Variants in GABARAPL1 observed in about 807,000 individuals in gnomAD.
The protein encoded by GABARAPL1 is gamma-aminobutyric acid receptor-associated protein-like 1.
Under a neutral mutation model 14.5 loss-of-function variants are expected in GABARAPL1, and 4 were observed. That is an observed-to-expected ratio of 0.28 (90% CI 0.14 to 0.63). The LOEUF (loss-of-function observed/expected upper bound fraction) is 0.63. GABARAPL1 is among the 30% of genes least tolerant of loss of function. The pLI, the probability that GABARAPL1 is intolerant of heterozygous loss-of-function variation, is 0.84. For synonymous variants in GABARAPL1, 47 were observed against 50.6 expected, an observed-to-expected ratio of 0.93 and a Z score of 0.30; for missense variants, 82 against 139.2, an observed-to-expected ratio of 0.59 and a Z score of 2.07.
intron 2 of GABARAPL1, among the ~76,000 whole-genome samples, chr12:10,218,858 G>A (rs1290656301): frequency 6.6e-6 from 1 of 151,538 alleles, no homozygotes; most frequent in Non-Finnish European, 1.5e-5. Flanking sequence ...GCAGGCACCT[G>A]CCACCATACC....
At chr12:10,213,985 A>C in intron 1 of GABARAPL1, 1 of 420,514 alleles carries the variant, frequency 2.4e-6, no homozygotes, top group Admixed American at 2.7e-5. Flanking sequence ...GTGAGTAGGA[A>C]CAGAAAAGTA....
chr12:10,214,526 C>G (rs1949077293), intron 1 of GABARAPL1: 1 of 152,190 alleles, frequency 6.6e-6, no homozygotes, highest in Non-Finnish European at 1.5e-5. Flanking sequence ...GAAAATTTTG[C>G]CCAGTTCTGG....
intron 1 of GABARAPL1, among the ~76,000 whole-genome samples, chr12:10,216,329 C>A (rs1358917442): frequency 2.6e-5 from 4 of 151,916 alleles, no homozygotes; most frequent in African/African-American, 9.7e-5. Context: ...CGAGATCAGG[C>A]CACTGCACGC....
intron 3 of GABARAPL1, 60 bp downstream of exon 3, chr12:10,220,618 C>A: frequency 1.9e-6 from 3 of 1,611,528 alleles, no homozygotes; most frequent in Non-Finnish European, 2.5e-6. Flanking sequence ...ATCCTCTAGC[C>A]CTTGTTCTAG....
chr12:10,217,993 A>G lies in GABARAPL1; in HGVS notation c.91-70A>G, dbSNP rs1487265381. 3 of 903,370 alleles carry G rather than the reference A, an allele frequency of 3.3e-6. No homozygotes were observed. In the African/African-American group the frequency reaches 4.9e-5, roughly 15 times the overall value. 56.0% of individuals were successfully genotyped at this position (903,370 alleles called of 1,614,324 possible). On this transcript the variant is annotated intron_variant, in intron 1 of 3. Coordinates refer to ENST00000266458, the MANE Select transcript of GABARAPL1 (RefSeq NM_031412.4). ...TTTCCAGTAGTAACTAGGCAACTCT[A>G]GGGTGTAGAAGGAAAAATACTAGAT...
chr12:10,217,459 C>T lies in GABARAPL1; in HGVS notation c.91-604C>T, dbSNP rs868737267. 3.3e-5 allele frequency among the ~76,000 whole-genome samples: 5 copies of T among 152,174 alleles called. No homozygotes were observed. In the South Asian group the frequency reaches 6.2e-4, roughly 19 times the overall value. On this transcript the variant is annotated intron_variant, in intron 1 of 3. Coordinates refer to ENST00000266458, the MANE Select transcript of GABARAPL1 (RefSeq NM_031412.4). Reference sequence around the variant, plus strand: ...TTAAATACCAGAAGGTGGCCAGGCACGGTAGCTCACATCTGTAATCCCAGC... The same window carrying T: ...TTAAATACCAGAAGGTGGCCAGGCATGGTAGCTCACATCTGTAATCCCAGC...
At chr12:10,216,243 C>T (rs538733943) in intron 1 of GABARAPL1, among the ~76,000 whole-genome samples, 24 of 151,898 alleles carry the variant, frequency 1.6e-4, no homozygotes, top group African/African-American at 1.2e-4. Context: ...TGGTGGCATG[C>T]GCCTGTAATC....
intron 3 of GABARAPL1, chr12:10,220,954 C>G (rs1477929158): frequency 1.1e-5 from 14 of 1,276,990 alleles, no homozygotes; most frequent in Non-Finnish European, 1.4e-5. Flanking sequence ...TATTTTACTC[C>G]CATTTAGCAA....
At position 10,216,602 on chromosome 12, in the gene GABARAPL1, C is replaced by T. The variant is rs571224748; in HGVS notation, c.91-1461C>T. Among the ~76,000 whole-genome samples, 373 of 146,708 alleles carry T rather than the reference C, an allele frequency of 2.5e-3. 1 individual carries two copies. Among genetic ancestry groups the T allele is most frequent in the African/African-American group, 8.7e-3 (342 of 39,498 alleles). On this transcript the variant is annotated intron_variant, in intron 1 of 3. Transcript: ENST00000266458. ...TTGCCCAGGCTGGAGTGTAGTGGCA[C>T]GATCTTGGCTCACCGCAACCTCTGC...
At position 10,213,073 on chromosome 12, in the gene GABARAPL1, G is replaced by T; in HGVS notation, c.-57G>T. 9.4e-7 allele frequency: 1 copy of T among 1,063,332 alleles called. No homozygotes were observed. Among genetic ancestry groups the T allele is most frequent in the East Asian group, 2.5e-5 (1 of 40,352 alleles). 65.9% of individuals were successfully genotyped at this position (1,063,332 alleles called of 1,614,324 possible). A position where few individuals can be genotyped will look rare whatever the true frequency, so the allele number is the denominator to read the frequency against. On this transcript the variant is annotated 5_prime_UTR_variant, in exon 1 of 4. Transcript: ENST00000266458. The stretch of plus-strand genomic sequence containing the variant: ...ACGTCGGCTGAGGGAGCGGGACAGG[G>T]TCAGCGGCGAAGGAGGCAGGCCCCG...
At chr12:10,213,871 G>A (rs1398738484) in intron 1 of GABARAPL1, 4 of 455,858 alleles carry the variant, frequency 8.8e-6, no homozygotes, top group Non-Finnish European at 1.8e-5. Context: ...CAGCCTCCTC[G>A]TGTTGATTTC....
chr12:10,213,417 G>T, intron 1 of GABARAPL1, 198 bp downstream of exon 1: 1 of 651,356 alleles, frequency 1.5e-6, no homozygotes, highest in East Asian at 2.9e-5. Context: ...GTATGCCTGG[G>T]CCCCGAACCC....
chr12:10,213,292 T>C, intron 1 of GABARAPL1, 73 bp downstream of exon 1: 1 of 903,642 alleles, frequency 1.1e-6, no homozygotes, highest in Non-Finnish European at 1.8e-6. Flanking sequence ...CGAGATGGCT[T>C]CCCTGGGGCG....
rs1949127932 is a variant in GABARAPL1, at chr12:10,223,121, C to G, written c.*1269C>G. The G allele has an allele frequency of 6.6e-6, 1 of 152,456 alleles. No homozygotes were observed. The allele number at this position is 152,456 out of a possible 1,614,324, so 9.4% of individuals were successfully genotyped here. On this transcript the variant is annotated 3_prime_UTR_variant, in exon 4 of 4. Transcript: ENST00000266458. ...CCAAGGAAATAAAATAATTGCTTAC[C>G]TTAAAAATCCACTGAGTTCAGCAAT... is the stretch of plus-strand genomic sequence containing the variant.
chr12:10,213,518 T>A, intron 1 of GABARAPL1: 1 of 359,168 alleles, frequency 2.8e-6, no homozygotes, highest in Non-Finnish European at 5.4e-6. Flanking sequence ...AGACCGTGTG[T>A]GGGTTGCGGT....
In GABARAPL1 at chr12:10,221,934, T is replaced by G; in HGVS notation, c.*82T>G. 1 of 1,242,152 alleles carries G rather than the reference T, an allele frequency of 8.1e-7. No homozygotes were observed. The allele number at this position is 1,242,152 out of a possible 1,614,324, so 76.9% of individuals were successfully genotyped here. A position where few individuals can be genotyped will look rare whatever the true frequency, so the allele number is the denominator to read the frequency against. ...GTGTGCGCGACATGGGGAAAGAGGG[T>G]GGCTCCCACCGCAAGGAGACAGAAG... On this transcript the variant is annotated 3_prime_UTR_variant, in exon 4 of 4. Transcript: ENST00000266458.
At chr12:10,217,358 A>G (rs1360616684) in intron 1 of GABARAPL1, among the ~76,000 whole-genome samples, 1 of 152,220 alleles carries the variant, frequency 6.6e-6, no homozygotes, top group Non-Finnish European at 1.5e-5. Flanking sequence ...ACCTTTAATA[A>G]ATGGTATTTA....
In GABARAPL1 at chr12:10,218,992, G is replaced by A. The variant is rs572267094; in HGVS notation, c.169+851G>A. On this transcript the variant is annotated intron_variant, in intron 2 of 3. Transcript: ENST00000266458. ...CTCCCAAATTGCTGGGATTACAGGC[G>A]TGAGCCACCATGCCCCACCTAAACC... is the stretch of plus-strand genomic sequence containing the variant. 2.7e-3 allele frequency among the ~76,000 whole-genome samples: 407 copies of A among 151,864 alleles called. 1 individual carries two copies. Among genetic ancestry groups the A allele is most frequent in the African/African-American group, 9.0e-3 (372 of 41,462 alleles).
At position 10,212,910 on chromosome 12, in the gene GABARAPL1, C is replaced by G. The variant is rs1267991188; in HGVS notation, c.-220C>G. ...GCTCCCAGCTCTAGCGAAAAGCCGC[C>G]GGTATTTCTCCATCTGGCTCTCCTC... On this transcript the variant is annotated 5_prime_UTR_variant, in exon 1 of 4. Transcript: ENST00000266458. The G allele has an allele frequency of 2.0e-6, 1 of 493,638 alleles. No individual in the cohort carries two copies. The highest frequency in any genetic ancestry group is 3.6e-6 in the Non-Finnish European group (1 of 274,286). The allele number at this position is 493,638 out of a possible 1,614,324, so 30.6% of individuals were successfully genotyped here. A position where few individuals can be genotyped will look rare whatever the true frequency, so the allele number is the denominator to read the frequency against.
Sources: gnomAD v4.1 joint callset for allele counts (sites outside exome capture counted in the v4.1 genomes callset) on GRCh38, gnomAD v4.1.1 for gene constraint, MANE v1.5 for transcripts, NCBI Gene and HGNC (gene_info 2026-07-23, HGNC 2026-07-21) for gene names.